Variants in GNG4 observed in about 807,000 individuals in gnomAD.
The protein encoded by GNG4 is guanine nucleotide-binding protein G(I)/G(S)/G(O) subunit gamma-4.
Under a neutral mutation model 5.8 loss-of-function variants are expected in GNG4, and 4 were observed. The ratio of observed to expected loss-of-function variants is 0.69; its 90% CI spans 0.34 to 1.57. GNG4 has a LOEUF of 1.57. Ranked by LOEUF, GNG4 falls within the 40% of genes most tolerant of loss-of-function variation. The pLI, the probability that GNG4 is intolerant of heterozygous loss-of-function variation, is 0.06. For synonymous variants in GNG4, 29 were observed against 32.9 expected (o/e 0.88, Z 0.41); for missense variants, 96 against 95.1 (o/e 1.01, Z -0.04).
intron 2 of GNG4, among the ~76,000 whole-genome samples, chr1:235,586,751 T>G (rs542567765): frequency 6.6e-6 from 1 of 152,356 alleles, no homozygotes; most frequent in African/African-American, 2.4e-5. Flanking sequence ...CTTCACCTTC[T>G]GCATGAGTGG....
intron 3 of GNG4, among the ~76,000 whole-genome samples, chr1:235,579,678 C>T (rs953382909): frequency 6.6e-6 from 1 of 151,756 alleles, no homozygotes; most frequent in Non-Finnish European, 1.5e-5. Context: ...TATAGTAAAA[C>T]CCTGTCTCTA....
At chr1:235,618,116 A>C (rs1688635951) in intron 1 of GNG4, among the ~76,000 whole-genome samples, 1 of 152,182 alleles carries the variant, frequency 6.6e-6, no homozygotes, top group Admixed American at 6.5e-5. Flanking sequence ...GAATCAGTGC[A>C]AGCAAAATTT....
At chr1:235,621,617 T>C (rs1310830133) in intron 1 of GNG4, among the ~76,000 whole-genome samples, 1 of 151,700 alleles carries the variant, frequency 6.6e-6, no homozygotes, top group African/African-American at 2.4e-5. Context: ...CCGATATTTG[T>C]GTGAGAGGAT....
chr1:235,594,779 GC>G (rs952797192), intron 2 of GNG4, among the ~76,000 whole-genome samples: 2 of 152,180 alleles, frequency 1.3e-5, no homozygotes, highest in African/African-American at 4.8e-5. Context: ...ACACCTCCCT[GC>G]AAGCTGAGGG....
At chr1:235,588,683 C>T (rs1158798370) in intron 2 of GNG4, among the ~76,000 whole-genome samples, 1 of 151,944 alleles carries the variant, frequency 6.6e-6, no homozygotes, top group Non-Finnish European at 1.5e-5. Context: ...GACTCCTTGC[C>T]CCAAATCATC....
At chr1:235,617,473 A>T (rs533216990) in intron 1 of GNG4, among the ~76,000 whole-genome samples, 18 of 152,236 alleles carry the variant, frequency 1.2e-4, no homozygotes, top group African/African-American at 4.3e-4. Flanking sequence ...TGTGGAGGTA[A>T]TGTAGCTTCC....
intron 2 of GNG4, among the ~76,000 whole-genome samples, chr1:235,590,500 C>T (rs957565105): frequency 5.9e-5 from 9 of 151,996 alleles, no homozygotes; most frequent in African/African-American, 1.9e-4. Flanking sequence ...CCTGAGAGGC[C>T]CCTCAGTAAC....
At chr1:235,575,722 C>G (rs752548963) in intron 3 of GNG4, among the ~76,000 whole-genome samples, 3 of 152,236 alleles carry the variant, frequency 2.0e-5, no homozygotes, top group Non-Finnish European at 2.9e-5. Flanking sequence ...TCAAGGGTGT[C>G]TGTCCACCCC....
At position 235,638,209 on chromosome 1, in the gene GNG4, T is replaced by C. The variant is rs550966547; in HGVS notation, c.-123+11453A>G. Among the ~76,000 whole-genome samples, 3 of 152,340 alleles carry C rather than the reference T, an allele frequency of 2.0e-5. No individual in the cohort carries two copies. In the South Asian group the frequency reaches 6.2e-4, roughly 32 times the overall value. On this transcript the variant is annotated intron_variant, in intron 1 of 3. Coordinates refer to ENST00000391854, the MANE Select transcript of GNG4 (RefSeq NM_001098722.2). The stretch of plus-strand genomic sequence containing the variant: ...TTTCTAGCTCCGGAAATGTGGGTAA[T>C]TCCCTTCACCTCCTGCTTTCTTCCC...
intron 1 of GNG4, among the ~76,000 whole-genome samples, chr1:235,602,278 A>G (rs1688272123): frequency 6.6e-6 from 1 of 151,936 alleles, no homozygotes; most frequent in Admixed American, 6.6e-5. Context: ...TCTCAACAAC[A>G]ACAACAAAAA....
chr1:235,563,240 T>C (rs1211682893), intron 3 of GNG4, among the ~76,000 whole-genome samples: 2 of 151,778 alleles, frequency 1.3e-5, no homozygotes, highest in East Asian at 1.9e-4. Flanking sequence ...CTGGCCAACA[T>C]AGTGAAACCC....
chr1:235,596,564 GA>G (rs1214360930), intron 1 of GNG4, among the ~76,000 whole-genome samples: 1 of 152,130 alleles, frequency 6.6e-6, no homozygotes, highest in Admixed American at 6.5e-5. Flanking sequence ...TGCAGATAAA[GA>G]TAATTACAAC....
intron 3 of GNG4, among the ~76,000 whole-genome samples, chr1:235,570,783 C>A (rs1332338039): frequency 6.6e-6 from 1 of 151,856 alleles, no homozygotes; most frequent in Non-Finnish European, 1.5e-5. Flanking sequence ...GCAACCTCAA[C>A]CTCCCAGGTT....
intron 1 of GNG4, among the ~76,000 whole-genome samples, chr1:235,628,969 C>T (rs1393633646): frequency 1.3e-5 from 2 of 150,190 alleles, no homozygotes; most frequent in Non-Finnish European, 2.9e-5. Context: ...TCCTTGGAAG[C>T]GATAAAGTCA....
intron 1 of GNG4, among the ~76,000 whole-genome samples, chr1:235,636,028 C>A (rs147167674): frequency 6.6e-6 from 1 of 152,300 alleles, no homozygotes; most frequent in African/African-American, 2.4e-5. Flanking sequence ...GGTATTGCTG[C>A]ACTGCCAGGG....
At chr1:235,640,634 C>T (rs1023377377) in intron 1 of GNG4, among the ~76,000 whole-genome samples, 8 of 152,252 alleles carry the variant, frequency 5.3e-5, no homozygotes, top group African/African-American at 1.7e-4. Flanking sequence ...TGCCAAGCTG[C>T]GTCCTTGAGC....
In GNG4 at chr1:235,579,862, A is replaced by AAAAAAAAAT. The variant is rs57019025; in HGVS notation, c.99+3877_99+3878insATTTTTTTT. 1.7e-4 allele frequency among the ~76,000 whole-genome samples: 18 copies of AAAAAAAAAT among 108,556 alleles called. 3 individuals are homozygous for AAAAAAAAAT. The highest frequency in any genetic ancestry group is 3.0e-4 in the East Asian group (1 of 3,344). The allele number at this position is 108,556 out of a possible 152,430, so 71.2% of individuals were successfully genotyped here. On this transcript the variant is annotated intron_variant, in intron 3 of 3. Coordinates refer to ENST00000391854, the MANE Select transcript of GNG4 (RefSeq NM_001098722.2). The stretch of plus-strand genomic sequence containing the variant: ...TGAGACTCCATCTCTCAAAAAAAAA[A>AAAAAAAAAT]AGGTAAAAAGGTTGAACATAGAGTT...
chr1:235,597,187 C>T (rs1688142967), intron 1 of GNG4, among the ~76,000 whole-genome samples: 1 of 152,226 alleles, frequency 6.6e-6, no homozygotes, highest in Non-Finnish European at 1.5e-5. Context: ...TTTCCGAATG[C>T]TCTGCCCTAC....
intron 3 of GNG4, among the ~76,000 whole-genome samples, chr1:235,563,461 T>C (rs1190691356): frequency 6.6e-6 from 1 of 151,022 alleles, no homozygotes; most frequent in African/African-American, 2.4e-5. Flanking sequence ...CTTAATATGT[T>C]TATAATGTTA....
Sources: allele counts gnomAD v4.1 joint callset (sites outside exome capture counted in the v4.1 genomes callset), GRCh38; gene constraint gnomAD v4.1.1; transcripts MANE v1.5; gene names NCBI Gene and HGNC (gene_info 2026-07-23, HGNC 2026-07-21).